MGAT4C: variants seen among roughly 807,000 people sequenced by gnomAD.
The protein encoded by MGAT4C is MGAT4 family member C, also known as alpha-1,3-mannosyl-glycoprotein 4-beta-N-acetylglucosaminyltransferase C.
MGAT4C carries 19 observed loss-of-function variants against 40.1 expected under a neutral mutation model. That is an observed-to-expected ratio of 0.47 (90% CI 0.33 to 0.70). MGAT4C has a LOEUF of 0.70. Ranked by LOEUF, MGAT4C falls within the 30% of genes least tolerant of loss-of-function variation. The pLI is 0.02. For synonymous variants in MGAT4C, 181 were observed against 187.1 expected (o/e 0.97, Z 0.27); for missense variants, 491 against 563.2 (o/e 0.87, Z 1.30).
intron 2 of MGAT4C, among the ~76,000 whole-genome samples, chr12:86,544,298 A>G (rs1447611173): frequency 6.6e-6 from 1 of 152,180 alleles, no homozygotes; most frequent in Non-Finnish European, 1.5e-5. Context: ...AAGTTTGATT[A>G]TTATTTTTTG....
chr12:86,394,457 T>C lies in MGAT4C; in HGVS notation c.-120+40700A>G, dbSNP rs1956210853. Among the ~76,000 whole-genome samples, 3 of 146,976 alleles carry C rather than the reference T, an allele frequency of 2.0e-5. No homozygotes were observed. In the Admixed American group the frequency reaches 2.1e-4, roughly 10 times the overall value. ...CTGAAATATTATTAGAAATTTGGTTTAATTATATATATATACTTTTTTATA... is the reference window on the plus strand; with the variant it reads ...CTGAAATATTATTAGAAATTTGGTTCAATTATATATATATACTTTTTTATA... On this transcript the variant is annotated intron_variant, in intron 3 of 7. Coordinates refer to the MGAT4C transcript ENST00000548651.
At chr12:86,029,019 T>A (rs1338892243) in intron 2 of MGAT4C, among the ~76,000 whole-genome samples, 1 of 151,944 alleles carries the variant, frequency 6.6e-6, no homozygotes, top group Non-Finnish European at 1.5e-5. Context: ...GTCTTTTGAC[T>A]GACATTTATA....
rs144671853 is a variant in MGAT4C at position 86,555,461 on chromosome 12, G to C, written c.-228-120196C>G. Among the ~76,000 whole-genome samples the C allele has an allele frequency of 7.2e-3, 1,095 of 152,130 alleles. 14 individuals carry two copies. Among genetic ancestry groups the C allele is most frequent in the Non-Finnish European group, 0.01 (704 of 67,976 alleles). On this transcript the variant is annotated intron_variant, in intron 2 of 7. Transcript: ENST00000548651. ...GTCTTGGAACATGTCCGGGGTCCAGGGTCTAAAACCCTTTGTGGACTTTGG... is the reference window on the plus strand; with the variant it reads ...GTCTTGGAACATGTCCGGGGTCCAGCGTCTAAAACCCTTTGTGGACTTTGG...
intron 2 of MGAT4C, among the ~76,000 whole-genome samples, chr12:86,578,510 G>C (rs950010672): frequency 2.6e-5 from 4 of 151,702 alleles, no homozygotes; most frequent in African/African-American, 7.3e-5. Flanking sequence ...GCTTTTCTTT[G>C]CAGGGAAACT....
intron 2 of MGAT4C, among the ~76,000 whole-genome samples, chr12:86,706,086 A>G (rs1950451480): frequency 6.6e-6 from 1 of 152,170 alleles, no homozygotes; most frequent in Non-Finnish European, 1.5e-5. Context: ...AAATGGGAAG[A>G]CTGAATACTC....
intron 3 of MGAT4C, among the ~76,000 whole-genome samples, chr12:85,987,232 G>A (rs1885339387): frequency 7.5e-6 from 1 of 132,630 alleles, no homozygotes; most frequent in African/African-American, 2.8e-5. Flanking sequence ...CGCCTCCCGG[G>A]TTCACGCCAT....
chr12:86,147,666 T>C (rs754116823), intron 1 of MGAT4C, among the ~76,000 whole-genome samples: 2 of 152,208 alleles, frequency 1.3e-5, no homozygotes, highest in Non-Finnish European at 2.9e-5. Context: ...AGAAGAAAAG[T>C]TGGCTCTCCT....
At chr12:86,658,547 G>T (rs141169066) in intron 2 of MGAT4C, among the ~76,000 whole-genome samples, 8 of 152,106 alleles carry the variant, frequency 5.3e-5, no homozygotes, top group East Asian at 1.9e-4. Context: ...ACTATTAAAA[G>T]AATTATTTTC....
chr12:86,176,485 A>C (rs1333585633), intron 1 of MGAT4C, among the ~76,000 whole-genome samples: 1 of 152,132 alleles, frequency 6.6e-6, no homozygotes, highest in Non-Finnish European at 1.5e-5. Flanking sequence ...TGTTTTGCAT[A>C]CAATTTTTGT....
intron 2 of MGAT4C, among the ~76,000 whole-genome samples, chr12:86,691,867 C>G (rs1950179213): frequency 6.6e-6 from 1 of 151,850 alleles, no homozygotes; most frequent in Non-Finnish European, 1.5e-5. Flanking sequence ...TTTAAAATAT[C>G]TGCATTAAAG....
At chr12:86,340,891 C>T (rs1264135789) in intron 3 of MGAT4C, among the ~76,000 whole-genome samples, 1 of 152,020 alleles carries the variant, frequency 6.6e-6, no homozygotes, top group Non-Finnish European at 1.5e-5. Context: ...CCTTAAGGCC[C>T]AAGTTTAACC....
At chr12:86,031,111 T>C (rs913976651) in intron 2 of MGAT4C, among the ~76,000 whole-genome samples, 2 of 133,370 alleles carry the variant, frequency 1.5e-5, no homozygotes, top group African/African-American at 5.0e-5. Context: ...TTATAAATAA[T>C]TTTTTTTTTC....
chr12:86,531,299 T>G (rs900671121), intron 2 of MGAT4C, among the ~76,000 whole-genome samples: 1 of 152,062 alleles, frequency 6.6e-6, no homozygotes, highest in Non-Finnish European at 1.5e-5. Context: ...AAATGTGCAC[T>G]CAAAGAGCTT....
intron 1 of MGAT4C, among the ~76,000 whole-genome samples, chr12:86,795,409 T>G (rs993966643): frequency 6.6e-6 from 1 of 151,954 alleles, no homozygotes; most frequent in Non-Finnish European, 1.5e-5. Flanking sequence ...CCCAAATACC[T>G]GAGTGATATC....
At chr12:86,831,502 G>A (rs1343459099) in intron 1 of MGAT4C, among the ~76,000 whole-genome samples, 2 of 151,748 alleles carry the variant, frequency 1.3e-5, no homozygotes, top group African/African-American at 2.4e-5. Context: ...ACACCAATGT[G>A]TATATAAACA....
At chr12:86,065,209 T>A (rs1894418599) in intron 1 of MGAT4C, among the ~76,000 whole-genome samples, 2 of 152,186 alleles carry the variant, frequency 1.3e-5, no homozygotes, top group South Asian at 2.1e-4. Flanking sequence ...TAACTCATTT[T>A]ATGAGGCCAG....
intron 3 of MGAT4C, among the ~76,000 whole-genome samples, chr12:86,362,544 G>A (rs1281967886): frequency 6.6e-6 from 1 of 151,898 alleles, no homozygotes; most frequent in Admixed American, 6.6e-5. Flanking sequence ...ATTAAAACAA[G>A]AATAATAAAA....
intron 4 of MGAT4C, among the ~76,000 whole-genome samples, chr12:86,288,216 G>A (rs1316309185): frequency 1.3e-5 from 2 of 151,974 alleles, no homozygotes; most frequent in African/African-American, 4.8e-5. Context: ...TTGTAAATTT[G>A]TTTAAGTTCC....
At chr12:86,510,571 T>C (rs1294671689) in intron 2 of MGAT4C, among the ~76,000 whole-genome samples, 1 of 152,134 alleles carries the variant, frequency 6.6e-6, no homozygotes, top group African/African-American at 2.4e-5. Context: ...TCAAGACCCA[T>C]CTGGGTGCTG....
Sources: gnomAD v4.1 joint callset for allele counts (sites outside exome capture counted in the v4.1 genomes callset) on GRCh38, gnomAD v4.1.1 for gene constraint, MANE v1.5 for transcripts, NCBI Gene and HGNC (gene_info 2026-07-23, HGNC 2026-07-21) for gene names.